ARMH1: variants seen among roughly 807,000 people sequenced by gnomAD.
ARMH1 encodes the protein armadillo-like helical domain containing protein 1.
In ARMH1, 34 loss-of-function variants were observed where a neutral mutation model predicts 50.2. The observed-to-expected ratio is 0.68, with a 90% confidence interval of 0.51 to 0.90. The LOEUF is 0.90. Among genes scored for constraint, ARMH1 ranks in the 40% least tolerant of loss-of-function variants. ARMH1 has a pLI of 0.00. For missense variants in ARMH1, 538 were observed against 553.9 expected, an observed-to-expected ratio of 0.97 and a Z score of 0.29; for synonymous variants, 221 against 224.2, an observed-to-expected ratio of 0.99 and a Z score of 0.13.
intron 1 of ARMH1, among the ~76,000 whole-genome samples, chr1:44,687,724 C>G (rs1217427819): frequency 6.6e-6 from 1 of 152,168 alleles, no homozygotes; most frequent in Non-Finnish European, 1.5e-5. Context: ...TTATACAGAG[C>G]CACAGGATGG....
chr1:44,697,577 G>A (rs1645869405), intron 3 of ARMH1, among the ~76,000 whole-genome samples: 1 of 152,052 alleles, frequency 6.6e-6, no homozygotes, highest in African/African-American at 2.4e-5. Context: ...TCTCCTCTGT[G>A]TTCATAGACC....
At chr1:44,710,451 T>C (rs2148712744) in intron 6 of ARMH1, among the ~76,000 whole-genome samples, 1 of 151,492 alleles carries the variant, frequency 6.6e-6, no homozygotes, top group African/African-American at 2.4e-5. Context: ...CTACTAAAAA[T>C]ACAAAAAATT....
At chr1:44,712,325 G>A (rs2148721911) in intron 6 of ARMH1, among the ~76,000 whole-genome samples, 1 of 152,220 alleles carries the variant, frequency 6.6e-6, no homozygotes, top group East Asian at 1.9e-4. Flanking sequence ...TGGATATGTG[G>A]CAGGAGCCTG....
chr1:44,685,188 T>C (rs577076116), intron 1 of ARMH1, among the ~76,000 whole-genome samples: 3 of 152,212 alleles, frequency 2.0e-5, no homozygotes, highest in African/African-American at 7.2e-5. Flanking sequence ...AGCATATCAT[T>C]ATACAACTTC....
At chr1:44,720,582 A>C (rs1350469764) in intron 6 of ARMH1, among the ~76,000 whole-genome samples, 1 of 152,198 alleles carries the variant, frequency 6.6e-6, no homozygotes, top group Non-Finnish European at 1.5e-5. Context: ...TAGTACTAGA[A>C]TTCTATAGCA....
At chr1:44,721,509 C>CT (rs202056123) in intron 6 of ARMH1, among the ~76,000 whole-genome samples, 1 of 149,484 alleles carries the variant, frequency 6.7e-6, no homozygotes, top group East Asian at 1.9e-4. Context: ...ACTAGGTTTT[C>CT]TTTTAAAAAA....
At position 44,675,432 on chromosome 1, in the gene ARMH1, G is replaced by A. The variant is rs571493786; in HGVS notation, c.-23+559G>A. Among the ~76,000 whole-genome samples the A allele has an allele frequency of 3.3e-5, 5 of 152,258 alleles. No homozygotes were observed. In the East Asian group the frequency reaches 5.8e-4, roughly 18 times the overall value. On this transcript the variant is annotated intron_variant, in intron 1 of 11. Coordinates refer to ENST00000535358, the MANE Select transcript of ARMH1 (RefSeq NM_001145636.2). ...TCCCAGCACTTTGGAAGGCCAAGAC[G>A]GGAGAATGGCTTGAAGGAGTTCAAG...
intron 1 of ARMH1, among the ~76,000 whole-genome samples, chr1:44,686,776 C>T (rs1269924984): frequency 6.6e-6 from 1 of 150,710 alleles, no homozygotes; most frequent in African/African-American, 2.4e-5. Flanking sequence ...TAGAGTGGTG[C>T]AATAAAACTG....
intron 1 of ARMH1, among the ~76,000 whole-genome samples, chr1:44,677,696 A>C (rs1247945652): frequency 6.6e-6 from 1 of 152,154 alleles, no homozygotes; most frequent in Admixed American, 6.5e-5. Context: ...CTCCCCCTGG[A>C]TGATAGAAAG....
At chr1:44,703,876 G>A (rs1646212648) in intron 5 of ARMH1, among the ~76,000 whole-genome samples, 1 of 151,002 alleles carries the variant, frequency 6.6e-6, no homozygotes, top group Admixed American at 6.6e-5. Flanking sequence ...ACAGGCGCCT[G>A]GCACCACGCC....
At chr1:44,721,060 G>A (rs562257614) in intron 6 of ARMH1, among the ~76,000 whole-genome samples, 1 of 151,450 alleles carries the variant, frequency 6.6e-6, no homozygotes, top group Admixed American at 6.6e-5. Context: ...ACAAAAAAAG[G>A]GCAAAAGAAA....
At chr1:44,715,704 C>T (rs752824207) in intron 6 of ARMH1, among the ~76,000 whole-genome samples, 1 of 152,138 alleles carries the variant, frequency 6.6e-6, no homozygotes, top group African/African-American at 2.4e-5. Context: ...GGATTACAGG[C>T]GCCCACCATC....
chr1:44,724,833 C>T lies in ARMH1; in HGVS notation c.1122C>T (p.Leu374=). 1.3e-6 allele frequency: 2 copies of T among 1,539,934 alleles called. No individual in the cohort carries two copies. Among genetic ancestry groups the T allele is most frequent in the Non-Finnish European group, 1.7e-6 (2 of 1,146,082 alleles). Residue 374 remains leucine (L), a synonymous_variant, in exon 10 of 12, where the codon CTC becomes CTT. Transcript: ENST00000535358. The surrounding 1 kb of genome is among the most constrained non-coding windows in gnomAD (Gnocchi z 6.4). ...RKCMGEELYQ[L]FLSNAEDLYM... Reference sequence around the variant, plus strand: ...GCATGGGGGAGGAACTCTACCAGCTCTTCCTGGTAAGTGCGCCCTTCCTGC... The same window carrying T: ...GCATGGGGGAGGAACTCTACCAGCTTTTCCTGGTAAGTGCGCCCTTCCTGC...
At chr1:44,694,388 A>G (rs1398230713) in intron 2 of ARMH1, among the ~76,000 whole-genome samples, 1 of 152,148 alleles carries the variant, frequency 6.6e-6, no homozygotes, top group African/African-American at 2.4e-5. Flanking sequence ...ACTACCACAT[A>G]GTCCCAATAA....
intron 1 of ARMH1, among the ~76,000 whole-genome samples, chr1:44,675,373 T>C (rs1645100885): frequency 6.6e-6 from 1 of 152,138 alleles, no homozygotes. Context: ...GGAAAGACTC[T>C]TTGCATGCCA....
At chr1:44,678,861 A>C (rs886229944) in intron 1 of ARMH1, among the ~76,000 whole-genome samples, 1 of 152,190 alleles carries the variant, frequency 6.6e-6, no homozygotes, top group Non-Finnish European at 1.5e-5. Context: ...CTTGATTTTT[A>C]ATACCTCCCC....
At chr1:44,709,885 G>C (rs542484007) in intron 6 of ARMH1, among the ~76,000 whole-genome samples, 4 of 152,066 alleles carry the variant, frequency 2.6e-5, no homozygotes, top group African/African-American at 4.8e-5. Context: ...TAAGAATCAA[G>C]TCCATGGTAA....
intron 1 of ARMH1, among the ~76,000 whole-genome samples, chr1:44,676,578 G>A (rs1431855826): frequency 6.6e-6 from 1 of 152,208 alleles, no homozygotes; most frequent in Non-Finnish European, 1.5e-5. Flanking sequence ...TGTTTCAGAA[G>A]CCAAGGAAGG....
Position 44,724,687 on chromosome 1 carries a change from T to A in ARMH1, c.1050+19T>A. The A allele has an allele frequency of 6.7e-7, 1 of 1,484,656 alleles. No individual in the cohort carries two copies. Among genetic ancestry groups the A allele is most frequent in the Non-Finnish European group, 8.9e-7 (1 of 1,124,498 alleles). The allele number at this position is 1,484,656 out of a possible 1,614,324, so 92.0% of individuals were successfully genotyped here. On this transcript the variant is annotated intron_variant, in intron 9 of 11. Transcript: ENST00000535358. The surrounding 1 kb of genome is among the most constrained non-coding windows in gnomAD (Gnocchi z 6.4). ...GCTGGAGGTGCGCGCGGCGGCTGGT[T>A]AGGGGGCGGGAAGGGCGGCGGCACC...
Sources: gnomAD v4.1 joint callset for allele counts (sites outside exome capture counted in the v4.1 genomes callset) on GRCh38, gnomAD v4.1.1 for gene constraint, Gnocchi (gnomAD v3.1) non-coding constraint, MANE v1.5 for transcripts, NCBI Gene and HGNC (gene_info 2026-07-23, HGNC 2026-07-21) for gene names.